CNTNAP2: variants seen among roughly 807,000 people sequenced by gnomAD.
CNTNAP2 encodes the protein contactin associated protein 2.
In CNTNAP2, 98 loss-of-function variants were observed where a neutral mutation model predicts 155.2. The observed-to-expected ratio is 0.63, with a 90% confidence interval of 0.54 to 0.75. CNTNAP2 has a LOEUF of 0.75. Among genes scored for constraint, CNTNAP2 ranks in the 30% least tolerant of loss-of-function variants. CNTNAP2 has a pLI of 0.00. For missense variants in CNTNAP2, 1,727 were observed against 1,688.1 expected, an observed-to-expected ratio of 1.02 and a Z score of -0.40; for synonymous variants, 651 against 631.2, an observed-to-expected ratio of 1.03 and a Z score of -0.47.
At chr7:147,429,752 G>A (rs1797436570) in intron 10 of CNTNAP2, among the ~76,000 whole-genome samples, 1 of 152,018 alleles carries the variant, frequency 6.6e-6, no homozygotes, top group Non-Finnish European at 1.5e-5. Flanking sequence ...TGAGAGATGA[G>A]GATCCAGTTT....
intron 9 of CNTNAP2, among the ~76,000 whole-genome samples, chr7:147,330,573 C>A (rs1795541787): frequency 6.6e-6 from 1 of 152,134 alleles, no homozygotes; most frequent in African/African-American, 2.4e-5. Flanking sequence ...TTCACTAACT[C>A]TGGGTAGTTA....
At chr7:148,175,105 C>T (rs1794909737) in intron 18 of CNTNAP2, among the ~76,000 whole-genome samples, 1 of 152,184 alleles carries the variant, frequency 6.6e-6, no homozygotes, top group Non-Finnish European at 1.5e-5. Flanking sequence ...TTTACAGCTG[C>T]ATAGTATTCC....
chr7:146,698,062 C>T (rs76765088), intron 1 of CNTNAP2, among the ~76,000 whole-genome samples: 165 of 152,250 alleles, frequency 1.1e-3, no homozygotes, highest in Non-Finnish European at 1.7e-3. Context: ...ACTTCACAGG[C>T]GTCACAGGTA....
At chr7:146,847,921 A>T (rs554994296) in intron 3 of CNTNAP2, among the ~76,000 whole-genome samples, 1 of 152,208 alleles carries the variant, frequency 6.6e-6, no homozygotes. Flanking sequence ...TAATAAATTC[A>T]CTTGATAAAG....
intron 14 of CNTNAP2, among the ~76,000 whole-genome samples, chr7:147,931,541 T>A (rs1458749560): frequency 6.6e-6 from 1 of 152,134 alleles, no homozygotes; most frequent in East Asian, 1.9e-4. Context: ...CAAAATTCCT[T>A]AATAAAATAC....
chr7:148,001,918 C>T (rs1221168214), intron 15 of CNTNAP2, among the ~76,000 whole-genome samples: 1 of 152,116 alleles, frequency 6.6e-6, no homozygotes, highest in Non-Finnish European at 1.5e-5. Flanking sequence ...TTCATCAATT[C>T]ATGCTCACCT....
intron 1 of CNTNAP2, among the ~76,000 whole-genome samples, chr7:146,147,947 G>A (rs1797979863): frequency 6.6e-6 from 1 of 152,068 alleles, no homozygotes; most frequent in South Asian, 2.1e-4. Context: ...ATTTTTCAAA[G>A]TGTCAGAATG....
chr7:148,216,639 A>G (rs185912309), intron 18 of CNTNAP2, among the ~76,000 whole-genome samples: 4 of 152,198 alleles, frequency 2.6e-5, no homozygotes, highest in Non-Finnish European at 4.4e-5. Context: ...AGGGTATGTG[A>G]ATTTTTTTCT....
At chr7:147,147,480 A>C (rs907079472) in intron 8 of CNTNAP2, among the ~76,000 whole-genome samples, 5 of 152,322 alleles carry the variant, frequency 3.3e-5, no homozygotes, top group African/African-American at 1.2e-4. Context: ...AGCAAAAAAA[A>C]CAAAAACAAA....
chr7:146,828,794 A>G (rs532887622), intron 2 of CNTNAP2, among the ~76,000 whole-genome samples: 2 of 152,210 alleles, frequency 1.3e-5, no homozygotes, highest in South Asian at 4.1e-4. Flanking sequence ...AATTGTCACT[A>G]TTTTACATTA....
At chr7:148,177,521 A>C (rs909658714) in intron 18 of CNTNAP2, among the ~76,000 whole-genome samples, 1 of 152,250 alleles carries the variant, frequency 6.6e-6, no homozygotes, top group African/African-American at 2.4e-5. Context: ...AAGTTCGAAG[A>C]AAAACCTACC....
At chr7:148,164,925 G>A (rs1805622732) in intron 17 of CNTNAP2, among the ~76,000 whole-genome samples, 1 of 151,956 alleles carries the variant, frequency 6.6e-6, no homozygotes, top group South Asian at 2.1e-4. Context: ...TGGGATTACA[G>A]GCATGAGCCA....
chr7:146,703,671 GT>G (rs763385429), intron 1 of CNTNAP2, among the ~76,000 whole-genome samples: 10 of 152,034 alleles, frequency 6.6e-5, no homozygotes, highest in Non-Finnish European at 1.0e-4. Flanking sequence ...TTCTCATGTG[GT>G]AGAAGAGGAA....
chr7:146,748,143 C>CTTTTCTTTTTTTTTTTTTTTTTT (rs60181692), intron 1 of CNTNAP2, among the ~76,000 whole-genome samples: 3 of 98,004 alleles, frequency 3.1e-5, no homozygotes, highest in African/African-American at 4.1e-5. Flanking sequence ...CTTTTCTTTT[C>CTTTTCTTTTTTTTTTTTTTTTTT]TTTTTTTTTT....
At chr7:146,862,605 C>T (rs1354991704) in intron 3 of CNTNAP2, among the ~76,000 whole-genome samples, 1 of 152,150 alleles carries the variant, frequency 6.6e-6, no homozygotes, top group African/African-American at 2.4e-5. Flanking sequence ...GGGGGAAAGG[C>T]ATAATGTTAC....
chr7:147,920,329 C>A (rs1208165995), intron 14 of CNTNAP2, among the ~76,000 whole-genome samples: 7 of 125,212 alleles, frequency 5.6e-5, no homozygotes, highest in African/African-American at 2.2e-4. Flanking sequence ...GTACTCCAAC[C>A]TGGGTGACAG....
At chr7:148,242,138 C>G (rs1464575581) in intron 20 of CNTNAP2, among the ~76,000 whole-genome samples, 1 of 152,142 alleles carries the variant, frequency 6.6e-6, no homozygotes, top group Non-Finnish European at 1.5e-5. Flanking sequence ...AAACTAAAGT[C>G]CAATCTGCAA....
intron 2 of CNTNAP2, among the ~76,000 whole-genome samples, chr7:146,793,987 G>T (rs2129189708): frequency 6.6e-6 from 1 of 152,310 alleles, no homozygotes; most frequent in Non-Finnish European, 1.5e-5. Flanking sequence ...GGTATGCTCA[G>T]CCAGTCTCTC....
chr7:147,570,577 C>T (rs531652060), intron 12 of CNTNAP2, among the ~76,000 whole-genome samples: 1 of 152,118 alleles, frequency 6.6e-6, no homozygotes, highest in Non-Finnish European at 1.5e-5. Flanking sequence ...TATACAGGTA[C>T]CTGCATACAT....
Sources: allele counts gnomAD v4.1 joint callset (sites outside exome capture counted in the v4.1 genomes callset), GRCh38; gene constraint gnomAD v4.1.1; transcripts MANE v1.5; gene names NCBI Gene and HGNC (gene_info 2026-07-23, HGNC 2026-07-21).